Variants in MEF2D observed in about 807,000 individuals in gnomAD.
MEF2D encodes the protein myocyte-specific enhancer factor 2D.
Under a neutral mutation model 59.3 loss-of-function variants are expected in MEF2D, and 10 were observed. The ratio of observed to expected loss-of-function variants is 0.17; its 90% CI spans 0.10 to 0.29. The LOEUF (loss-of-function observed/expected upper bound fraction) is 0.29. MEF2D is among the 10% of genes least tolerant of loss of function. The pLI is 1.00. For synonymous variants in MEF2D, 305 were observed against 295.0 expected (o/e 1.03, Z -0.35); for missense variants, 508 against 699.4 (o/e 0.73, Z 3.09).
At position 156,476,477 on chromosome 1, in the gene MEF2D, C is replaced by T. The variant is rs1429601411; in HGVS notation, c.876+17G>A. 19 of 1,611,096 alleles carry T rather than the reference C, an allele frequency of 1.2e-5. No individual in the cohort carries two copies. Among genetic ancestry groups the T allele is most frequent in the Non-Finnish European group, 1.5e-5 (18 of 1,178,674 alleles). ...CAGAATTCAAAGCCACAGCAAAGAGCTCACAGCCTCACTTACCAGATCTAA... is the reference window on the plus strand; with the variant it reads ...CAGAATTCAAAGCCACAGCAAAGAGTTCACAGCCTCACTTACCAGATCTAA... On this transcript the variant is annotated intron_variant, in intron 8 of 11. Coordinates refer to ENST00000348159, the MANE Select transcript of MEF2D (RefSeq NM_005920.4).
At chr1:156,477,889 A>G (rs1671722938) in intron 6 of MEF2D, among the ~76,000 whole-genome samples, 1 of 152,248 alleles carries the variant, frequency 6.6e-6, no homozygotes, top group African/African-American at 2.4e-5. Flanking sequence ...CAAATGTAAT[A>G]ACTATCTTTT....
chr1:156,469,589 T>TAAA (rs57183071), intron 9 of MEF2D, among the ~76,000 whole-genome samples: 1,087 of 92,960 alleles, frequency 0.012, 5 homozygotes, highest in Non-Finnish European at 0.02. Context: ...GTGTTGAACT[T>TAAA]AAAAAAAAAA....
At chr1:156,478,813 A>C (rs1201133681) in intron 6 of MEF2D, among the ~76,000 whole-genome samples, 1 of 151,884 alleles carries the variant, frequency 6.6e-6, no homozygotes, top group Non-Finnish European at 1.5e-5. Context: ...TACAGGCGTG[A>C]GCCACCATGC....
intron 1 of MEF2D, among the ~76,000 whole-genome samples, chr1:156,488,498 AG>A (rs575599972): frequency 2.0e-3 from 295 of 144,204 alleles, no homozygotes; most frequent in Middle Eastern, 0.011. Flanking sequence ...TGAGGGGACC[AG>A]GGGGAATCAA....
rs1291234993 is a variant in MEF2D at position 156,468,141 on chromosome 1, C to A, written c.1406G>T (p.Gly469Val). The change falls in exon 11 of 12, where the codon GGT (glycine) becomes GTT (valine). Residue 469 changes from glycine (G) to valine (V), a missense_variant. Physicochemically the swap from Gly to Val is moderately radical, Grantham distance 109. This residue lies in a region of MEF2D where 481 missense variants were observed against 584.7 expected (regional missense o/e 0.82). Transcript: ENST00000348159. This position sits in a 1 kb window ranked among gnomAD's most constrained non-coding sequence, Gnocchi z 4.3. ...GGATCCCCCGGCTGGGCTGCTGAGA[C>A]CATCGCCAGGCTCAGGGCGGGCAGC... The part of the protein sequence containing the change: ...FPAARPEPGD[G>V]LSSPAGGSYE... The A allele has an allele frequency of 6.2e-7, 1 of 1,613,940 alleles. No individual in the cohort carries two copies. The highest frequency in any genetic ancestry group is 8.5e-7 in the Non-Finnish European group (1 of 1,179,898).
At chr1:156,473,861 A>C (rs74116852) in intron 9 of MEF2D, among the ~76,000 whole-genome samples, 6,165 of 152,030 alleles carry the variant, frequency 0.041, 354 homozygotes, top group African/African-American at 0.13. Flanking sequence ...TAGAGGAGAG[A>C]CGCTGTTCTT....
chr1:156,485,884 C>A (rs1672328873), intron 1 of MEF2D, among the ~76,000 whole-genome samples: 1 of 150,938 alleles, frequency 6.6e-6, no homozygotes, highest in South Asian at 2.1e-4. Flanking sequence ...GAGTCTCACT[C>A]TGTCACCCAG....
rs1195500310 is a variant in MEF2D, at chr1:156,480,845, G to A, written c.385C>T (p.Arg129Trp). 1 of 1,594,706 alleles carries A rather than the reference G, an allele frequency of 6.3e-7. No individual in the cohort carries two copies. The highest frequency in any genetic ancestry group is 8.5e-7 in the Non-Finnish European group (1 of 1,170,918). The change falls in exon 4 of 12, where the codon CGG becomes TGG. Residue 129 changes from arginine (R) to tryptophan (W), a missense_variant. Transcript: ENST00000348159. ...TGAGTGGGGCTCACCCCATAGCGCCGGAAGAGCCCGTCGAGCTCCTCGCTG... is the reference window on the plus strand; with the variant it reads ...TGAGTGGGGCTCACCCCATAGCGCCAGAAGAGCCCGTCGAGCTCCTCGCTG... ...RASEELDGLF[R>W]RYGSTVPAPN...
Position 156,467,585 on chromosome 1 carries a change from G to T in MEF2D, c.*60C>A. The T allele has an allele frequency of 7.7e-7, 1 of 1,297,920 alleles. No individual in the cohort carries two copies. The highest frequency in any genetic ancestry group is 9.9e-7 in the Non-Finnish European group (1 of 1,006,930). 80.4% of individuals were successfully genotyped at this position (1,297,920 alleles called of 1,614,324 possible). A position where few individuals can be genotyped will look rare whatever the true frequency, so the allele number is the denominator to read the frequency against. ...CGGGAGGAGCCCGGGGCAGGGAAGG[G>T]CGGGCGGTGAGATTGTCAACTCTTC... is the stretch of plus-strand genomic sequence containing the variant. On this transcript the variant is annotated 3_prime_UTR_variant, in exon 12 of 12. Transcript: ENST00000348159.
intron 1 of MEF2D, 25 bp from the exon 2 acceptor site, chr1:156,483,455 T>A (rs2274320): frequency 0.62 from 411,138 of 659,630 alleles, 132,882 homozygotes; most frequent in East Asian, 0.72. Flanking sequence ...TCATGAGAGG[T>A]CTCTGAGCCC....
At chr1:156,476,068 A>G (rs569855834) in intron 8 of MEF2D, among the ~76,000 whole-genome samples, 1 of 152,022 alleles carries the variant, frequency 6.6e-6, no homozygotes, top group Non-Finnish European at 1.5e-5. Flanking sequence ...CCCTCCTAAG[A>G]AGGATCCTGT....
chr1:156,476,958 T>C (rs1571231790), intron 7 of MEF2D, 54 bp downstream of exon 7: 2 of 1,600,410 alleles, frequency 1.2e-6, no homozygotes, highest in East Asian at 2.2e-5. Context: ...CTCTTTCCCC[T>C]GTCCCTACTC....
intron 9 of MEF2D, among the ~76,000 whole-genome samples, chr1:156,471,046 A>G (rs1332876454): frequency 6.6e-6 from 1 of 152,072 alleles, no homozygotes; most frequent in Non-Finnish European, 1.5e-5. Context: ...GGGCCCTAGG[A>G]TCAACTATTT....
At chr1:156,493,575 G>T (rs1489251730) in intron 1 of MEF2D, among the ~76,000 whole-genome samples, 1 of 151,816 alleles carries the variant, frequency 6.6e-6, no homozygotes, top group Non-Finnish European at 1.5e-5. Flanking sequence ...CAGAAGGAAG[G>T]GGGTGGGGAG....
At chr1:156,472,606 TG>T (rs1671303408) in intron 9 of MEF2D, among the ~76,000 whole-genome samples, 2 of 152,222 alleles carry the variant, frequency 1.3e-5, no homozygotes, top group Admixed American at 1.3e-4. Flanking sequence ...TGGAGTGCAG[TG>T]GTGCAACCTC....
chr1:156,473,632 T>G (rs1671385228), intron 9 of MEF2D, among the ~76,000 whole-genome samples: 1 of 152,044 alleles, frequency 6.6e-6, no homozygotes, highest in Admixed American at 6.6e-5. Flanking sequence ...TGGCTGAGAG[T>G]ATCACAGACT....
intron 1 of MEF2D, among the ~76,000 whole-genome samples, chr1:156,498,409 C>A (rs1375657489): frequency 6.6e-6 from 1 of 152,176 alleles, no homozygotes; most frequent in Non-Finnish European, 1.5e-5. Flanking sequence ...TGCTTCTTCC[C>A]TTGGACTGGG....
chr1:156,480,854 C>T lies in MEF2D; in HGVS notation c.376G>A (p.Gly126Arg), dbSNP rs1003800038. ...CTCACCCCATAGCGCCGGAAGAGCCCGTCGAGCTCCTCGCTGGCGCGTCGG... is the reference window on the plus strand; with the variant it reads ...CTCACCCCATAGCGCCGGAAGAGCCTGTCGAGCTCCTCGCTGGCGCGTCGG... ...KYRRASEELD[G>R]LFRRYGSTVP... The change falls in exon 4 of 12, where the codon GGG becomes AGG. Residue 126 changes from glycine to arginine, a missense_variant. Coordinates refer to ENST00000348159, the MANE Select transcript of MEF2D (RefSeq NM_005920.4). The T allele has an allele frequency of 6.3e-7, 1 of 1,597,512 alleles. No individual in the cohort carries two copies. Among genetic ancestry groups the T allele is most frequent in the Non-Finnish European group, 8.5e-7 (1 of 1,172,342 alleles).
chr1:156,468,836 C>T lies in MEF2D; in HGVS notation c.1191G>A (p.Pro397=), dbSNP rs201721675. ...GGGACTGTTGCTGAGGTGGCTGTTGCGGCTGCTGAGGCTGCTGTGGCTGTG... is the reference window on the plus strand; with the variant it reads ...GGGACTGTTGCTGAGGTGGCTGTTGTGGCTGCTGAGGCTGCTGTGGCTGTG... The part of the protein sequence containing the change: ...QQPQPQQPQQ[P]QQPPQQQSHL... Residue 397 remains proline, a synonymous_variant, in exon 10 of 12, where the codon CCG becomes CCA. Coordinates refer to ENST00000348159, the MANE Select transcript of MEF2D (RefSeq NM_005920.4). The surrounding 1 kb of genome is among the most constrained non-coding windows in gnomAD (Gnocchi z 4.3). 17 of 1,613,984 alleles carry T rather than the reference C, an allele frequency of 1.1e-5. No homozygotes were observed. The highest frequency in any genetic ancestry group is 1.6e-4 in the Middle Eastern group (1 of 6,084).
Sources: allele counts gnomAD v4.1 joint callset (sites outside exome capture counted in the v4.1 genomes callset), GRCh38; gene constraint gnomAD v4.1.1; regional missense constraint gnomAD v4.1.1; non-coding constraint Gnocchi (gnomAD v3.1); transcripts MANE v1.5; gene names NCBI Gene and HGNC (gene_info 2026-07-23, HGNC 2026-07-21).